DPYSL3: variants seen among roughly 807,000 people sequenced by gnomAD.
DPYSL3 encodes dihydropyrimidinase-related protein 3.
Under a neutral mutation model 66.1 loss-of-function variants are expected in DPYSL3, and 16 were observed. That is an observed-to-expected ratio of 0.24 (90% confidence interval 0.16 to 0.37). The LOEUF (loss-of-function observed/expected upper bound fraction) is 0.37. Ranked by LOEUF, DPYSL3 falls within the 10% of genes least tolerant of loss-of-function variation. DPYSL3 has a pLI of 1.00. For synonymous variants in DPYSL3, 338 were observed against 345.1 expected (o/e 0.98, Z 0.23); for missense variants, 738 against 916.2 (o/e 0.81, Z 2.51).
chr5:147,455,659 C>G lies in DPYSL3; in HGVS notation c.382-30696G>C, dbSNP rs144848296. On this transcript the variant is annotated intron_variant, in intron 1 of 13. Transcript: ENST00000343218. ...TGGAAACCAGCAGAGCTCTCTCTCT[C>G]TGCATCTTTCCTGTAGATTTTACTG... Among the ~76,000 whole-genome samples the G allele has an allele frequency of 1.3e-3, 194 of 152,276 alleles. 1 individual carries two copies. The highest frequency in any genetic ancestry group is 1.9e-3 in the Non-Finnish European group (131 of 68,032).
chr5:147,436,441 TA>T (rs1446157421), intron 1 of DPYSL3, among the ~76,000 whole-genome samples: 6 of 152,230 alleles, frequency 3.9e-5, no homozygotes, highest in African/African-American at 2.4e-5. Context: ...ATATGTTTAT[TA>T]TATTTTTGTG....
intron 1 of DPYSL3, among the ~76,000 whole-genome samples, chr5:147,467,671 A>G (rs1433678124): frequency 2.0e-5 from 3 of 152,220 alleles, no homozygotes; most frequent in African/African-American, 4.8e-5. Context: ...ACATCAAGGT[A>G]TTGCTGGCAA....
rs1486482310 is a variant in DPYSL3 at position 147,392,871 on chromosome 5, C to T, written c.*1164G>A. 6.6e-6 allele frequency: 1 copy of T among 152,214 alleles called. No individual in the cohort carries two copies. The highest frequency in any genetic ancestry group is 1.5e-5 in the Non-Finnish European group (1 of 68,054). The allele number at this position is 152,214 out of a possible 1,614,324, so 9.4% of individuals were successfully genotyped here. On this transcript the variant is annotated 3_prime_UTR_variant, in exon 14 of 14. Transcript: ENST00000343218. ...ATGTGCTCCCTCTGCTCAAGACTGA[C>T]TTTGGCTTTCCCAGTTCCCCACTTG...
intron 1 of DPYSL3, among the ~76,000 whole-genome samples, chr5:147,493,525 G>T (rs138040521): frequency 1.3e-3 from 204 of 152,054 alleles, no homozygotes; most frequent in African/African-American, 4.8e-3. Flanking sequence ...TGCAAGCCAT[G>T]ATCATGCTAC....
intron 1 of DPYSL3, among the ~76,000 whole-genome samples, chr5:147,467,470 T>C (rs1032349368): frequency 8.5e-5 from 13 of 152,326 alleles, no homozygotes; most frequent in African/African-American, 3.1e-4. Flanking sequence ...CCTAGTCAAA[T>C]ACTAATCTTG....
intron 2 of DPYSL3, 93 bp from the exon 3 acceptor site, chr5:147,418,724 C>T: frequency 8.7e-7 from 1 of 1,148,478 alleles, no homozygotes; most frequent in Non-Finnish European, 1.2e-6. Context: ...GGATTTTAAA[C>T]AGTGTTACTT....
intron 1 of DPYSL3, among the ~76,000 whole-genome samples, chr5:147,429,066 TGAG>T (rs1234941137): frequency 2.0e-5 from 3 of 152,184 alleles, no homozygotes; most frequent in Non-Finnish European, 4.4e-5. Context: ...AGCTGATGTC[TGAG>T]GAGGTTAAAT....
At chr5:147,504,336 T>C (rs938280118) in intron 1 of DPYSL3, among the ~76,000 whole-genome samples, 17 of 152,258 alleles carry the variant, frequency 1.1e-4, no homozygotes, top group African/African-American at 4.1e-4. Flanking sequence ...GTTCCTCAAA[T>C]GCCTACTGTC....
chr5:147,490,414 C>T lies in DPYSL3; in HGVS notation c.381+19064G>A, dbSNP rs563506573. ...CAACTGAAAATACAAACATAAATGTCCTATTAAAAGAAATGTATAATTAAA... is the reference window on the plus strand; with the variant it reads ...CAACTGAAAATACAAACATAAATGTTCTATTAAAAGAAATGTATAATTAAA... On this transcript the variant is annotated intron_variant, in intron 1 of 13. Coordinates refer to ENST00000343218, the MANE Select transcript of DPYSL3 (RefSeq NM_001197294.2). 1.5e-4 allele frequency among the ~76,000 whole-genome samples: 23 copies of T among 152,112 alleles called. No homozygotes were observed. In the South Asian group the frequency reaches 4.6e-3, roughly 30 times the overall value.
At chr5:147,432,009 T>G (rs1042853191) in intron 1 of DPYSL3, among the ~76,000 whole-genome samples, 6 of 152,100 alleles carry the variant, frequency 3.9e-5, no homozygotes, top group African/African-American at 1.4e-4. Flanking sequence ...TGAGGAGCAA[T>G]GCAGTTTCTT....
Position 147,418,502 on chromosome 5 carries a change from T to C in DPYSL3, c.600A>G (p.Val200=). ...CCTTTGTCCCTTGGAAGAAGTCATC[T>C]ACTGTGGTCATTCCCTTATATGGCA... ...FQMPYKGMTT[V]DDFFQGTKAA... The change falls in exon 3 of 14, where the codon GTA becomes GTG. Residue 200 remains valine, a synonymous_variant. Transcript: ENST00000343218. The C allele has an allele frequency of 6.2e-7, 1 of 1,613,664 alleles. No individual in the cohort carries two copies. The highest frequency in any genetic ancestry group is 8.5e-7 in the Non-Finnish European group (1 of 1,179,740).
Position 147,509,307 on chromosome 5 carries a change from C to T in DPYSL3, c.381+171G>A, listed in dbSNP as rs1753724815. On this transcript the variant is annotated intron_variant, in intron 1 of 13. Coordinates refer to ENST00000343218, the MANE Select transcript of DPYSL3 (RefSeq NM_001197294.2). The surrounding 1 kb of genome is among the most constrained non-coding windows in gnomAD (Gnocchi z 5.3). ...CTGCAAGTGGCGACACGCGCGAATC[C>T]AGGGTCTGGGCTAGGAAGTCGCGCT... Among the ~76,000 whole-genome samples the T allele has an allele frequency of 6.6e-6, 1 of 152,216 alleles. No individual in the cohort carries two copies. Among genetic ancestry groups the T allele is most frequent in the Non-Finnish European group, 1.5e-5 (1 of 68,040 alleles).
At chr5:147,489,371 G>C (rs552199752) in intron 1 of DPYSL3, among the ~76,000 whole-genome samples, 124 of 152,290 alleles carry the variant, frequency 8.1e-4, no homozygotes, top group Admixed American at 1.3e-3. Flanking sequence ...AACAGCACAG[G>C]GGCGTATGGA....
At chr5:147,408,145 G>C (rs1294493597) in intron 7 of DPYSL3, among the ~76,000 whole-genome samples, 4 of 152,106 alleles carry the variant, frequency 2.6e-5, no homozygotes, top group Non-Finnish European at 5.9e-5. Context: ...AAGCCAATGT[G>C]CTTTCAGGTA....
intron 1 of DPYSL3, among the ~76,000 whole-genome samples, chr5:147,428,453 A>T (rs1404749159): frequency 6.6e-6 from 1 of 152,130 alleles, no homozygotes; most frequent in African/African-American, 2.4e-5. Flanking sequence ...GAGGAATCTG[A>T]AAGGCAATTC....
rs191952661 is a variant in DPYSL3, at chr5:147,481,114, A to C, written c.381+28364T>G. Reference sequence around the variant, plus strand: ...ACGCATTATTTCATAAAATTCAGAGAGGAAATGTAGATAAGGGTGTAACTT... The same window carrying C: ...ACGCATTATTTCATAAAATTCAGAGCGGAAATGTAGATAAGGGTGTAACTT... On this transcript the variant is annotated intron_variant, in intron 1 of 13. Coordinates refer to ENST00000343218, the MANE Select transcript of DPYSL3 (RefSeq NM_001197294.2). 1.2e-3 allele frequency among the ~76,000 whole-genome samples: 177 copies of C among 152,328 alleles called. 3 individuals are homozygous for C. Among genetic ancestry groups the C allele is most frequent in the Middle Eastern group, 0.01 (3 of 294 alleles).
intron 1 of DPYSL3, among the ~76,000 whole-genome samples, chr5:147,504,834 C>T (rs1324138782): frequency 1.3e-5 from 2 of 152,130 alleles, no homozygotes; most frequent in Admixed American, 6.5e-5. Context: ...TCAATAAAAA[C>T]CCCTGTAATC....
At chr5:147,420,963 G>A (rs569527495) in intron 2 of DPYSL3, among the ~76,000 whole-genome samples, 1 of 152,284 alleles carries the variant, frequency 6.6e-6, no homozygotes, top group Non-Finnish European at 1.5e-5. Context: ...GTTCAGGGTG[G>A]TATGGCCGTA....
At position 147,415,716 on chromosome 5, in the gene DPYSL3, C is replaced by T. The variant is rs1295108492; in HGVS notation, c.813G>A (p.Lys271=). ...CGGCATGTCCGGGCTCACCTTTGTCCTTGATGAGGTTCTGCACTTCCTGCT... is the reference window on the plus strand; with the variant it reads ...CGGCATGTCCGGGCTCACCTTTGTCTTTGATGAGGTTCTGCACTTCCTGCT... ...SVKQEVQNLI[K]DKGVNSFMVY... The change falls in exon 4 of 14, where the codon AAG becomes AAA. Residue 271 remains lysine, a synonymous_variant. Transcript: ENST00000343218. 2.5e-6 allele frequency: 4 copies of T among 1,613,672 alleles called. No individual in the cohort carries two copies. The African/African-American group carries it at 5.3e-5, about 22-fold the overall frequency.
Sources: allele counts gnomAD v4.1 joint callset (sites outside exome capture counted in the v4.1 genomes callset), GRCh38; gene constraint gnomAD v4.1.1; non-coding constraint Gnocchi (gnomAD v3.1); transcripts MANE v1.5; gene names NCBI Gene and HGNC (gene_info 2026-07-23, HGNC 2026-07-21).